Variants in RNF150 observed in about 807,000 individuals in gnomAD.
RNF150 encodes the protein ring finger protein 150.
A neutral mutation model predicts 39.3 loss-of-function variants in RNF150; 24 were observed. That is an observed-to-expected ratio of 0.61 (90% CI 0.44 to 0.86). The LOEUF is 0.86. Among genes scored for constraint, RNF150 ranks in the 40% least tolerant of loss-of-function variants. The pLI is 0.00. For synonymous variants in RNF150, 255 were observed against 227.3 expected, an observed-to-expected ratio of 1.12 and a Z score of -1.10; for missense variants, 502 against 587.8, an observed-to-expected ratio of 0.85 and a Z score of 1.51.
chr4:141,149,202 C>A (rs1727254255), intron 1 of RNF150, among the ~76,000 whole-genome samples: 1 of 152,054 alleles, frequency 6.6e-6, no homozygotes, highest in Non-Finnish European at 1.5e-5. Flanking sequence ...TACAACCATG[C>A]AATAGTGTCC....
intron 1 of RNF150, among the ~76,000 whole-genome samples, chr4:141,164,998 C>T (rs574530082): frequency 8.5e-5 from 13 of 152,236 alleles, no homozygotes; most frequent in South Asian, 6.2e-4. Context: ...AAGACACAGA[C>T]GGGCAAATTG....
At chr4:140,951,314 T>TA (rs1732530298) in intron 2 of RNF150, among the ~76,000 whole-genome samples, 1 of 152,162 alleles carries the variant, frequency 6.6e-6, no homozygotes, top group Non-Finnish European at 1.5e-5. Flanking sequence ...CATATATTAA[T>TA]AAAGCTGCCT....
chr4:141,163,139 AGG>A (rs2111161012), intron 1 of RNF150, among the ~76,000 whole-genome samples: 1 of 152,278 alleles, frequency 6.6e-6, no homozygotes, highest in South Asian at 2.1e-4. Flanking sequence ...ACCATTACTA[AGG>A]CTTGAGTAGG....
chr4:141,090,344 T>C (rs1433333046), intron 1 of RNF150, among the ~76,000 whole-genome samples: 1 of 152,128 alleles, frequency 6.6e-6, no homozygotes, highest in Non-Finnish European at 1.5e-5. Context: ...AGCTTAAGAC[T>C]AATAACTAAT....
intron 1 of RNF150, among the ~76,000 whole-genome samples, chr4:141,065,731 CT>C (rs1483943529): frequency 3.3e-5 from 5 of 151,910 alleles, no homozygotes; most frequent in Non-Finnish European, 7.4e-5. Context: ...AAAAACTGAC[CT>C]TGATGTCCTC....
chr4:141,010,537 A>G (rs1735036912), intron 1 of RNF150, among the ~76,000 whole-genome samples: 1 of 152,238 alleles, frequency 6.6e-6, no homozygotes, highest in Non-Finnish European at 1.5e-5. Context: ...CTTTAAGGTA[A>G]CAAACTGCTA....
At chr4:140,934,992 T>TAA (rs1188538781) in intron 4 of RNF150, among the ~76,000 whole-genome samples, 1 of 6,458 alleles carries the variant, frequency 1.5e-4, no homozygotes. Flanking sequence ...AGTGTTATAA[T>TAA]ATATATATAT....
chr4:140,948,957 C>G (rs113530530), intron 3 of RNF150, among the ~76,000 whole-genome samples: 4 of 152,158 alleles, frequency 2.6e-5, no homozygotes, highest in Admixed American at 2.0e-4. Flanking sequence ...AATATTGTTT[C>G]CTTTGCACTG....
chr4:140,895,430 G>A (rs1000843515), intron 6 of RNF150, among the ~76,000 whole-genome samples: 1 of 152,164 alleles, frequency 6.6e-6, no homozygotes, highest in Non-Finnish European at 1.5e-5. Flanking sequence ...ATATGTCTCT[G>A]TAGGAAATTA....
At chr4:141,095,697 T>C (rs1738746498) in intron 1 of RNF150, among the ~76,000 whole-genome samples, 1 of 152,186 alleles carries the variant, frequency 6.6e-6, no homozygotes, top group African/African-American at 2.4e-5. Context: ...AACAAACATA[T>C]GTATTTATAT....
At position 140,949,292 on chromosome 4, in the gene RNF150, T is replaced by G. The variant is rs1186771756; in HGVS notation, c.807+9A>C. The G allele has an allele frequency of 6.2e-7, 1 of 1,601,260 alleles. No individual in the cohort carries two copies. Among genetic ancestry groups the G allele is most frequent in the South Asian group, 1.1e-5 (1 of 88,176 alleles). On this transcript the variant is annotated intron_variant, in intron 3 of 6. Transcript: ENST00000515673. ...GCTCCTCACCAAAAAGAAAAGAGGC[T>G]GCTATTACCTTGTCACCCTTCTTGA...
In RNF150 at chr4:141,024,781, A is replaced by T. The variant is rs1198166258; in HGVS notation, c.485-56908T>A. On this transcript the variant is annotated intron_variant, in intron 1 of 6. Coordinates refer to ENST00000515673, the MANE Select transcript of RNF150 (RefSeq NM_020724.2). The stretch of plus-strand genomic sequence containing the variant: ...TGCTGACCAGAAGTACATTTTCCAT[A>T]CAAAGGCTAACATAAAGATATAAGA... 2.0e-5 allele frequency among the ~76,000 whole-genome samples: 3 copies of T among 152,298 alleles called. No homozygotes were observed. In the East Asian group the frequency reaches 5.8e-4, roughly 29 times the overall value.
intron 1 of RNF150, among the ~76,000 whole-genome samples, chr4:141,098,709 G>T (rs1312699803): frequency 6.6e-6 from 1 of 152,132 alleles, no homozygotes; most frequent in African/African-American, 2.4e-5. Flanking sequence ...ATTCAGGTGT[G>T]TCTTTCTCCA....
chr4:140,959,062 G>A (rs1485934201), intron 2 of RNF150, among the ~76,000 whole-genome samples: 2 of 152,012 alleles, frequency 1.3e-5, no homozygotes, highest in South Asian at 2.1e-4. Context: ...AACCTGGCCT[G>A]CCTTGCTCGA....
At chr4:140,985,949 G>A (rs1287734918) in intron 1 of RNF150, among the ~76,000 whole-genome samples, 1 of 152,012 alleles carries the variant, frequency 6.6e-6, no homozygotes, top group Admixed American at 6.6e-5. Context: ...AATCACTGGT[G>A]TATAAAAAGA....
intron 1 of RNF150, among the ~76,000 whole-genome samples, chr4:141,089,176 A>G (rs750466040): frequency 1.4e-4 from 22 of 152,190 alleles, no homozygotes; most frequent in Non-Finnish European, 3.2e-4. Flanking sequence ...TAAATCTGAC[A>G]TAGCAGGCAG....
chr4:141,052,676 A>G (rs4123362), intron 1 of RNF150, among the ~76,000 whole-genome samples: 118,343 of 152,110 alleles, frequency 0.78, 46,449 homozygotes, highest in Non-Finnish European at 0.84. Context: ...ACACCCAGTC[A>G]CAACAAAATC....
intron 1 of RNF150, among the ~76,000 whole-genome samples, chr4:141,174,515 A>T (rs1276105702): frequency 6.6e-6 from 1 of 152,186 alleles, no homozygotes; most frequent in African/African-American, 2.4e-5. Flanking sequence ...CTAGAATTGC[A>T]GCAAATAGCA....
intron 1 of RNF150, among the ~76,000 whole-genome samples, chr4:141,090,730 G>A (rs1738547577): frequency 6.6e-6 from 1 of 152,164 alleles, no homozygotes. Flanking sequence ...GTGAATGCCT[G>A]CCCTATCTTT....
Sources: allele counts gnomAD v4.1 joint callset (sites outside exome capture counted in the v4.1 genomes callset), GRCh38; gene constraint gnomAD v4.1.1; transcripts MANE v1.5; gene names NCBI Gene and HGNC (gene_info 2026-07-23, HGNC 2026-07-21).